Variants in ASAP1 observed in about 807,000 individuals in gnomAD.
ASAP1 encodes the protein ArfGAP with SH3 domain, ankyrin repeat and PH domain 1.
A neutral mutation model predicts 145.2 loss-of-function variants in ASAP1; 43 were observed. The ratio of observed to expected loss-of-function variants is 0.30; its 90% CI spans 0.23 to 0.38. The LOEUF is 0.38. Among genes scored for constraint, ASAP1 ranks in the 10% least tolerant of loss-of-function variants. ASAP1 has a pLI of 1.00. For synonymous variants in ASAP1, 546 were observed against 515.5 expected (o/e 1.06, Z -0.80); for missense variants, 1,018 against 1,355.3 (o/e 0.75, Z 3.91).
In ASAP1 at chr8:130,072,825, G is replaced by GTGTGCGTGTGCGCGCGCGCGCGCGCA; in HGVS notation, c.2701+3522_2701+3523insTGCGCGCGCGCGCGCGCACACGCACA. On this transcript the variant is annotated intron_variant, in intron 27 of 29. Transcript: ENST00000518721. ...TGTGTGTGTGTGTGTGTGTGTGTGTGCGCGCGGGGGGGGGCAGTTTTGGGG... is the reference window on the plus strand; with the variant it reads ...TGTGTGTGTGTGTGTGTGTGTGTGTGTGTGCGTGTGCGCGCGCGCGCGCGCACGCGCGGGGGGGGGCAGTTTTGGGG... 7.4e-5 allele frequency among the ~76,000 whole-genome samples: 4 copies of GTGTGCGTGTGCGCGCGCGCGCGCGCA among 54,098 alleles called. 1 individual carries two copies. Among genetic ancestry groups the GTGTGCGTGTGCGCGCGCGCGCGCGCA allele is most frequent in the Admixed American group, 1.7e-4 (1 of 5,770 alleles). 35.5% of individuals were successfully genotyped at this position (54,098 alleles called of 152,430 possible).
At chr8:130,212,985 T>C (rs1816679724) in intron 5 of ASAP1, among the ~76,000 whole-genome samples, 1 of 152,216 alleles carries the variant, frequency 6.6e-6, no homozygotes, top group South Asian at 2.1e-4. Context: ...CTTTACCAGC[T>C]ATTACCAAAG....
At chr8:130,263,297 T>C (rs1322215302) in intron 3 of ASAP1, among the ~76,000 whole-genome samples, 6 of 152,146 alleles carry the variant, frequency 3.9e-5, no homozygotes, top group Admixed American at 6.6e-5. Flanking sequence ...GAAAAAAAGA[T>C]GAGCTGGGCC....
chr8:130,111,922 G>C lies in ASAP1; in HGVS notation c.2401+172C>G, dbSNP rs145921868. 3.2e-3 allele frequency among the ~76,000 whole-genome samples: 481 copies of C among 152,270 alleles called. No homozygotes were observed. Among genetic ancestry groups the C allele is most frequent in the Middle Eastern group, 6.8e-3 (2 of 294 alleles). ...CCACAGCACTGCCTGTCCTGCTCTT[G>C]GTACCTGGCAAATGGCATGGTCCCT... is the stretch of plus-strand genomic sequence containing the variant. On this transcript the variant is annotated intron_variant, in intron 24 of 29. Transcript: ENST00000518721.
intron 27 of ASAP1, among the ~76,000 whole-genome samples, chr8:130,072,827 G>GCGCGCGCA (rs1455885983): frequency 1.0e-5 from 1 of 98,404 alleles, no homozygotes; most frequent in Non-Finnish European, 2.1e-5. Context: ...GTGTGTGTGC[G>GCGCGCGCA]CGCGGGGGGG....
intron 25 of ASAP1, chr8:130,083,852 G>A (rs1047181970): frequency 1.9e-4 from 29 of 152,076 alleles, no homozygotes; most frequent in Admixed American, 3.9e-4. Context: ...GGAGTACAAC[G>A]GCATCATCTC....
intron 1 of ASAP1, among the ~76,000 whole-genome samples, chr8:130,419,933 C>G (rs1177297797): frequency 6.6e-6 from 1 of 151,608 alleles, no homozygotes; most frequent in African/African-American, 2.4e-5. Context: ...TTCCCTACAT[C>G]TGCCTGCACC....
At chr8:130,274,334 C>G (rs1207849075) in intron 3 of ASAP1, among the ~76,000 whole-genome samples, 2 of 152,120 alleles carry the variant, frequency 1.3e-5, no homozygotes, top group Non-Finnish European at 2.9e-5. Flanking sequence ...TTCAGTAAGT[C>G]CAAGTTTTCA....
chr8:130,435,040 C>A (rs943392970), intron 1 of ASAP1, among the ~76,000 whole-genome samples: 6 of 152,188 alleles, frequency 3.9e-5, no homozygotes, highest in Non-Finnish European at 7.3e-5. Context: ...GGCACGCTGT[C>A]CCATCGGCCT....
At position 130,106,714 on chromosome 8, in the gene ASAP1, G is replaced by C. The variant is rs117051800; in HGVS notation, c.2401+5380C>G. Among the ~76,000 whole-genome samples, 519 of 152,330 alleles carry C rather than the reference G, an allele frequency of 3.4e-3. 2 individuals carry two copies. Among genetic ancestry groups the C allele is most frequent in the Middle Eastern group, 0.014 (4 of 294 alleles). ...TACTCTCTGTGCCAGGGATGCAAAG[G>C]CAGCTCATTCACAGCCCTTATCCTT... On this transcript the variant is annotated intron_variant, in intron 24 of 29. Coordinates refer to ENST00000518721, the MANE Select transcript of ASAP1 (RefSeq NM_018482.4).
intron 5 of ASAP1, among the ~76,000 whole-genome samples, chr8:130,188,515 C>T (rs1273728286): frequency 6.6e-6 from 1 of 151,868 alleles, no homozygotes; most frequent in Non-Finnish European, 1.5e-5. Context: ...AGGAGGATCA[C>T]TGGAGGTCAG....
At chr8:130,268,535 A>ACACACACAC (rs5895041) in intron 3 of ASAP1, among the ~76,000 whole-genome samples, 8 of 147,764 alleles carry the variant, frequency 5.4e-5, no homozygotes, top group East Asian at 2.0e-4. Flanking sequence ...ACACACACAC[A>ACACACACAC]ACTGTGTAAC....
intron 18 of ASAP1, among the ~76,000 whole-genome samples, chr8:130,122,564 G>A (rs1179160493): frequency 1.3e-5 from 2 of 152,168 alleles, no homozygotes; most frequent in African/African-American, 2.4e-5. Context: ...CCCCTTAATT[G>A]TCACCACAAC....
intron 1 of ASAP1, among the ~76,000 whole-genome samples, chr8:130,422,091 C>T (rs72726216): frequency 0.034 from 5,187 of 152,232 alleles, 125 homozygotes; most frequent in Middle Eastern, 0.075. Context: ...TCAGGAACGG[C>T]CTCCTGGAAG....
In ASAP1 at chr8:130,060,728, A is replaced by G; in HGVS notation, c.3043T>C (p.Ser1015Pro). 6.2e-7 allele frequency: 1 copy of G among 1,614,052 alleles called. No individual in the cohort carries two copies. The highest frequency in any genetic ancestry group is 8.5e-7 in the Non-Finnish European group (1 of 1,180,024). ...GDVSPKAQQP[S>P]EVTLKSHPLD... ...GGGTGTGACTTCAGTGTGACCTCAG[A>G]GGGTTGCTGAGCCTTGGGTGAGACA... is the stretch of plus-strand genomic sequence containing the variant. Residue 1015 changes from serine (S) to proline (P), a missense_variant, in exon 28 of 30, where the codon TCT becomes CCT. This residue lies in a region of ASAP1 where 139 missense variants were observed against 131.0 expected (regional missense o/e 1.06). Transcript: ENST00000518721.
intron 24 of ASAP1, among the ~76,000 whole-genome samples, chr8:130,102,182 T>C (rs2097529931): frequency 6.6e-6 from 1 of 152,210 alleles, no homozygotes; most frequent in Admixed American, 6.5e-5. Flanking sequence ...TTCCAGTTCT[T>C]AGAGAAAAAG....
rs560676009 is a variant in ASAP1, at chr8:130,169,876, G to C, written c.747-809C>G. Reference sequence around the variant, plus strand: ...TTCAGATCCAGGTCTGCCAGATTCTGATCCACGCTCTTTACCAGCAAGTGA... The same window carrying C: ...TTCAGATCCAGGTCTGCCAGATTCTCATCCACGCTCTTTACCAGCAAGTGA... On this transcript the variant is annotated intron_variant, in intron 9 of 29. Coordinates refer to ENST00000518721, the MANE Select transcript of ASAP1 (RefSeq NM_018482.4). 2.6e-5 allele frequency among the ~76,000 whole-genome samples: 4 copies of C among 152,332 alleles called. No homozygotes were observed. In the East Asian group the frequency reaches 7.7e-4, roughly 29 times the overall value.
At chr8:130,188,009 A>G in intron 6 of ASAP1, 100 bp downstream of exon 6, 1 of 860,440 alleles carries the variant, frequency 1.2e-6, no homozygotes, top group East Asian at 2.4e-5. Context: ...GAAAATGTTC[A>G]AAGAGTCTTT....
chr8:130,089,496 G>T (rs773866266), intron 25 of ASAP1, among the ~76,000 whole-genome samples: 11 of 152,194 alleles, frequency 7.2e-5, no homozygotes, highest in Admixed American at 7.2e-4. Flanking sequence ...ACATAAGAGC[G>T]TTGGAAAGGT....
At chr8:130,204,924 C>A (rs1816107545) in intron 5 of ASAP1, among the ~76,000 whole-genome samples, 1 of 152,142 alleles carries the variant, frequency 6.6e-6, no homozygotes, top group Admixed American at 6.5e-5. Context: ...AAGACAAGCT[C>A]CTGTTATCAG....
Sources: gnomAD v4.1 joint callset for allele counts (sites outside exome capture counted in the v4.1 genomes callset) on GRCh38, gnomAD v4.1.1 for gene constraint, gnomAD v4.1.1 regional missense constraint, MANE v1.5 for transcripts, NCBI Gene and HGNC (gene_info 2026-07-23, HGNC 2026-07-21) for gene names.